The following ADAMTS7 variants were observed in gnomAD, a reference collection of about 807,000 sequenced individuals.
The protein encoded by ADAMTS7 is ADAM metallopeptidase with thrombospondin type 1 motif 7.
A neutral mutation model predicts 172.6 loss-of-function variants in ADAMTS7; 89 were observed. The ratio of observed to expected loss-of-function variants is 0.52; its 90% CI spans 0.43 to 0.61. The LOEUF (loss-of-function observed/expected upper bound fraction) is 0.61. Ranked by LOEUF, ADAMTS7 falls within the 20% of genes least tolerant of loss-of-function variation. The probability of loss-of-function intolerance (pLI) is 0.00; values close to 1 mark genes in which losing one functional copy is unlikely to be tolerated. For synonymous variants in ADAMTS7, 885 were observed against 978.4 expected (o/e 0.90, Z 1.78); for missense variants, 1,973 against 2,355.6 (o/e 0.84, Z 3.36).
At chr15:78,783,361 C>T (rs776844173) in intron 8 of ADAMTS7, among the ~76,000 whole-genome samples, 4 of 152,160 alleles carry the variant, frequency 2.6e-5, no homozygotes, top group Non-Finnish European at 4.4e-5. Flanking sequence ...CCTCTGCCTC[C>T]CGGGTTCAAG....
At chr15:78,788,067 G>T (rs936192541) in intron 8 of ADAMTS7, among the ~76,000 whole-genome samples, 164 bp downstream of exon 8, 3 of 152,112 alleles carry the variant, frequency 2.0e-5, no homozygotes, top group African/African-American at 7.2e-5. Flanking sequence ...TGGCCCTGCA[G>T]TGTGACTGTC....
rs149716203 is a variant in ADAMTS7, at chr15:78,776,783, G to T, written c.1526C>A (p.Ala509Glu). Residue 509 changes from alanine to glutamate, a missense_variant, in exon 10 of 24, where the codon GCA becomes GAA. Around this residue, in one of 8 missense-constraint regions of ADAMTS7, gnomAD observed 526 missense variants for 662.9 expected, o/e 0.79. Transcript: ENST00000388820. Reference sequence around the variant, plus strand: ...CCCACACCGGGTGCCGTCCACAGCTGCATCCAGCTTGGAGTGACAGGTGGT... The same window carrying T: ...CCCACACCGGGTGCCGTCCACAGCTTCATCCAGCTTGGAGTGACAGGTGGT... ...VGTTCHSKLD[A>E]AVDGTRCGEN... The T allele has an allele frequency of 1.9e-6, 3 of 1,551,836 alleles. No homozygotes were observed. In the African/African-American group the frequency reaches 4.1e-5, roughly 21 times the overall value.
chr15:78,777,092 C>T (rs956512438), intron 9 of ADAMTS7: 1 of 569,938 alleles, frequency 1.8e-6, no homozygotes, highest in Non-Finnish European at 3.1e-6. Flanking sequence ...CCCAGCCCCT[C>T]CTCTGGAAAC....
intron 23 of ADAMTS7, 143 bp from the exon 24 acceptor site, chr15:78,759,721 G>A (rs1217273448): frequency 9.1e-7 from 1 of 1,094,858 alleles, no homozygotes; most frequent in Non-Finnish European, 1.2e-6. Flanking sequence ...TCCCGAACCG[G>A]AGTTGCAGGT....
In ADAMTS7 at chr15:78,800,425, GCA is replaced by G; in HGVS notation, c.221_222del (p.Val74AlafsTer64). ...PRALRKRDVS[V>X]RRDAPAFYEL... ...TCGTAGAAGGCGGGCGCGTCTCGGCGCACAGATACATCCCGCTTGCGCAGTGC... is the reference window on the plus strand; with the variant it reads ...TCGTAGAAGGCGGGCGCGTCTCGGCGCAGATACATCCCGCTTGCGCAGTGC... On this transcript the variant is annotated frameshift_variant, in exon 2 of 24. Coordinates refer to ENST00000388820, the MANE Select transcript of ADAMTS7 (RefSeq NM_014272.5). LOFTEE classifies it high-confidence loss of function. The G allele has an allele frequency of 6.2e-7, 1 of 1,610,144 alleles. No homozygotes were observed. The highest frequency in any genetic ancestry group is 8.5e-7 in the Non-Finnish European group (1 of 1,178,586).
At chr15:78,803,156 G>T (rs1003666242) in intron 1 of ADAMTS7, among the ~76,000 whole-genome samples, 2 of 150,998 alleles carry the variant, frequency 1.3e-5, no homozygotes, top group African/African-American at 4.9e-5. Flanking sequence ...GAGCCTAGGA[G>T]TTCAAGACCA....
At chr15:78,776,630 C>A in intron 10 of ADAMTS7, 119 bp downstream of exon 10, 1 of 1,081,842 alleles carries the variant, frequency 9.2e-7, no homozygotes. Context: ...CTGCAGAGAG[C>A]GTGGGGCTCT....
chr15:78,789,964 T>A, intron 6 of ADAMTS7, 126 bp from the exon 7 acceptor site: 2 of 1,354,302 alleles, frequency 1.5e-6, no homozygotes, highest in Non-Finnish European at 2.0e-6. Context: ...CACCGTTCTG[T>A]GACATGAGGC....
chr15:78,759,544 G>A lies in ADAMTS7; in HGVS notation c.4938C>T (p.Cys1646=), dbSNP rs748348871. The stretch of plus-strand genomic sequence containing the variant: ...AGCGGCCCAGTAGGCGCAGCGTCTC[G>A]CAGAACCCGAAGGACAGGCGGTCCC... ...CERDRLSFGF[C]ETLRLLGRCQ... The change falls in exon 24 of 24, where the codon TGC becomes TGT. Residue 1646 remains cysteine (C), a synonymous_variant. Coordinates refer to ENST00000388820, the MANE Select transcript of ADAMTS7 (RefSeq NM_014272.5). The A allele has an allele frequency of 5.8e-4, 920 of 1,582,392 alleles. 8 individuals are homozygous for A. The highest frequency in any genetic ancestry group is 4.7e-3 in the South Asian group (414 of 88,814).
chr15:78,797,679 G>A (rs549749331), intron 3 of ADAMTS7, among the ~76,000 whole-genome samples: 3 of 152,354 alleles, frequency 2.0e-5, no homozygotes, highest in African/African-American at 4.8e-5. Context: ...AGGGAGCAGA[G>A]GGAGGCTGAG....
intron 8 of ADAMTS7, among the ~76,000 whole-genome samples, chr15:78,782,761 C>T (rs577496831): frequency 4.8e-4 from 73 of 151,734 alleles, no homozygotes; most frequent in East Asian, 2.1e-3. Context: ...TTCCAGGGAC[C>T]CCTCAGGGCC....
chr15:78,767,622 T>G, intron 17 of ADAMTS7, 30 bp from the exon 18 acceptor site: 1 of 1,514,058 alleles, frequency 6.6e-7, no homozygotes, highest in South Asian at 1.3e-5. Context: ...GGCATCAGTG[T>G]GGCATCAGAC....
chr15:78,792,541 A>C (rs1214476508), intron 4 of ADAMTS7, among the ~76,000 whole-genome samples: 8 of 152,250 alleles, frequency 5.3e-5, no homozygotes, highest in Admixed American at 1.3e-4. Context: ...TCCCCAGCCT[A>C]GCCAACAGGC....
At chr15:78,762,058 C>T in intron 23 of ADAMTS7, 6 of 985,424 alleles carry the variant, frequency 6.1e-6, no homozygotes, top group Non-Finnish European at 7.2e-6. Flanking sequence ...TCAGGGACAT[C>T]CCTGGTCTCA....
At position 78,771,424 on chromosome 15, in the gene ADAMTS7, G is replaced by A; in HGVS notation, c.2377-121C>T. 5 of 1,556,290 alleles carry A rather than the reference G, an allele frequency of 3.2e-6. No individual in the cohort carries two copies. Among genetic ancestry groups the A allele is most frequent in the South Asian group, 1.2e-5 (1 of 86,118 alleles). On this transcript the variant is annotated intron_variant, in intron 15 of 23. Coordinates refer to ENST00000388820, the MANE Select transcript of ADAMTS7 (RefSeq NM_014272.5). This position sits in a 1 kb window ranked among gnomAD's most constrained non-coding sequence, Gnocchi z 4.9. ...TACAAGATTGGGCCATTTTAAAGAT[G>A]GGGAAACTGAGGTAGAGGCCGCAGC...
intron 4 of ADAMTS7, 44 bp downstream of exon 4, chr15:78,796,546 C>G (rs75055770): frequency 1.3e-6 from 2 of 1,581,158 alleles, no homozygotes; most frequent in South Asian, 2.4e-5. Context: ...ACCCCACCCC[C>G]CAACACCATC....
intron 9 of ADAMTS7, 139 bp downstream of exon 9, chr15:78,777,305 G>A (rs1327060255): frequency 3.2e-5 from 40 of 1,251,180 alleles, no homozygotes; most frequent in Middle Eastern, 2.5e-4. Context: ...GCCACTTGAC[G>A]TCTCACAGTG....
intron 8 of ADAMTS7, among the ~76,000 whole-genome samples, chr15:78,787,595 C>T (rs1158480581): frequency 2.6e-5 from 4 of 152,042 alleles, no homozygotes; most frequent in Non-Finnish European, 4.4e-5. Flanking sequence ...ACCCGGGAGG[C>T]GGAGGTTGCA....
intron 8 of ADAMTS7, among the ~76,000 whole-genome samples, chr15:78,782,721 G>A (rs570756018): frequency 6.6e-6 from 1 of 152,022 alleles, no homozygotes; most frequent in Non-Finnish European, 1.5e-5. Context: ...CACCCAGAAG[G>A]AGAAGCCCGG....
Sources: allele counts gnomAD v4.1 joint callset (sites outside exome capture counted in the v4.1 genomes callset), GRCh38; gene constraint gnomAD v4.1.1; regional missense constraint gnomAD v4.1.1; non-coding constraint Gnocchi (gnomAD v3.1); transcripts MANE v1.5; gene names NCBI Gene and HGNC (gene_info 2026-07-23, HGNC 2026-07-21).